Variants in ESYT3 observed in about 807,000 individuals in gnomAD.
The protein encoded by ESYT3 is extended synaptotagmin 3, also known as extended synaptotagmin-3.
In ESYT3, 101 loss-of-function variants were observed where a neutral mutation model predicts 111.5. That is an observed-to-expected ratio of 0.91 (90% CI 0.77 to 1.07). The LOEUF is 1.07. Ranked by LOEUF, ESYT3 falls within the 50% of genes least tolerant of loss-of-function variation. The pLI, the probability that ESYT3 is intolerant of heterozygous loss-of-function variation, is 0.00. For synonymous variants in ESYT3, 416 were observed against 446.8 expected (o/e 0.93, Z 0.87); for missense variants, 1,097 against 1,109.4 (o/e 0.99, Z 0.16).
Position 138,477,395 on chromosome 3 carries a change from G to A in ESYT3, c.*541G>A, listed in dbSNP as rs994714666. 6.6e-6 allele frequency: 1 copy of A among 152,508 alleles called. No individual in the cohort carries two copies. Among genetic ancestry groups the A allele is most frequent in the African/African-American group, 2.4e-5 (1 of 41,436 alleles). The allele number at this position is 152,508 out of a possible 1,614,324, so 9.4% of individuals were successfully genotyped here. ...GCCAAAGCCCTTCTGGCTGCCACCT[G>A]TGGTACTTGTATGCCTGGATATTTG... On this transcript the variant is annotated 3_prime_UTR_variant, in exon 23 of 23. Transcript: ENST00000389567.
At chr3:138,449,082 C>CTTTTTTTT (rs398040196) in intron 1 of ESYT3, among the ~76,000 whole-genome samples, 154 of 113,112 alleles carry the variant, frequency 1.4e-3, no homozygotes, top group African/African-American at 4.3e-3. Flanking sequence ...CTTTCTTTTT[C>CTTTTTTTT]TTTTTTTTTT....
chr3:138,457,031 C>T (rs1180193627), intron 3 of ESYT3, among the ~76,000 whole-genome samples: 1 of 152,182 alleles, frequency 6.6e-6, no homozygotes, highest in Non-Finnish European at 1.5e-5. Context: ...CCCTCCTGAC[C>T]ATCGTGGGGT....
chr3:138,470,591 T>C, intron 16 of ESYT3: 1 of 1,199,416 alleles, frequency 8.3e-7, no homozygotes, highest in Non-Finnish European at 1.0e-6. Flanking sequence ...GAGCCCTGCC[T>C]GGAGAGCAGC....
At chr3:138,466,381 C>CAGA (rs1210747574) in intron 10 of ESYT3, among the ~76,000 whole-genome samples, 1 of 152,166 alleles carries the variant, frequency 6.6e-6, no homozygotes, top group Non-Finnish European at 1.5e-5. Context: ...CAGAAACAAG[C>CAGA]AGAATCTATG....
At position 138,479,374 on chromosome 3, in the gene ESYT3, A is replaced by AAAGT. The variant is rs1219748034; in HGVS notation, c.*2526_*2529dup. On this transcript the variant is annotated 3_prime_UTR_variant, in exon 23 of 23. Coordinates refer to ENST00000389567, the MANE Select transcript of ESYT3 (RefSeq NM_031913.5). ...AGAAGGGGCAGCTAGGCTGATTAAG[A>AAAGT]AAGTAAGTATTCAAGACCATATCTT... 1.3e-5 allele frequency: 2 copies of AAAGT among 152,262 alleles called. No homozygotes were observed. The highest frequency in any genetic ancestry group is 4.8e-5 in the African/African-American group (2 of 41,468). 9.4% of individuals were successfully genotyped at this position (152,262 alleles called of 1,614,324 possible).
In ESYT3 at chr3:138,476,307, C is replaced by A. The variant is rs748508601; in HGVS notation, c.2553C>A (p.His851Gln). The A allele has an allele frequency of 6.2e-7, 1 of 1,613,322 alleles. No individual in the cohort carries two copies. The change falls in exon 21 of 23, where the codon CAC becomes CAA. Residue 851 changes from histidine to glutamine, a missense_variant. Physicochemically the swap from His to Gln is conservative, Grantham distance 24 (BLOSUM62 0). Coordinates refer to ENST00000389567, the MANE Select transcript of ESYT3 (RefSeq NM_031913.5). ...AVKNSRPLGS[H>Q]RRKELGKVLI... ...AAAATAGTAGGCCACTTGGCTCACA[C>A]AGAAGAAAGGAGTTAGGAAAAGTAA...
chr3:138,470,703 G>A (rs2033172333), intron 16 of ESYT3, 174 bp from the exon 17 acceptor site: 3 of 1,433,538 alleles, frequency 2.1e-6, no homozygotes, highest in Non-Finnish European at 2.7e-6. Flanking sequence ...TTCCCTGACA[G>A]AAGACAAGGA....
rs1156760952 is a variant in ESYT3, at chr3:138,477,719, T to G, written c.*865T>G. ...ATGGTTGGTTCACCTAAATAACATG[T>G]TAAAAGCAAAGTATTAAATTATATG... On this transcript the variant is annotated 3_prime_UTR_variant, in exon 23 of 23. Coordinates refer to ENST00000389567, the MANE Select transcript of ESYT3 (RefSeq NM_031913.5). 1.3e-5 allele frequency: 2 copies of G among 152,194 alleles called. No homozygotes were observed. Among genetic ancestry groups the G allele is most frequent in the African/African-American group, 4.8e-5 (2 of 41,452 alleles). 9.4% of individuals were successfully genotyped at this position (152,194 alleles called of 1,614,324 possible).
At chr3:138,470,292 C>A (rs2033153429) in intron 16 of ESYT3, 146 bp downstream of exon 16, 1 of 1,370,332 alleles carries the variant, frequency 7.3e-7, no homozygotes, top group African/African-American at 1.5e-5. Context: ...TGAGGCCCCA[C>A]AAGGCCTCAT....
chr3:138,459,887 A>T (rs1231497559), intron 5 of ESYT3, 58 bp from the exon 6 acceptor site: 1 of 1,514,126 alleles, frequency 6.6e-7, no homozygotes, highest in Non-Finnish European at 9.1e-7. Flanking sequence ...AGCTGAGCCC[A>T]GCAGGCATGG....
chr3:138,478,161 T>TAA lies in ESYT3; in HGVS notation c.*1308_*1309dup, dbSNP rs1443616224. On this transcript the variant is annotated 3_prime_UTR_variant, in exon 23 of 23. Coordinates refer to ENST00000389567, the MANE Select transcript of ESYT3 (RefSeq NM_031913.5). ...TAATAGTTCCCAGCCTTTATAACAC[T>TAA]AAGTTTTAAGAAATGTTGATTAGGC... 3 of 152,340 alleles carry TAA rather than the reference T, an allele frequency of 2.0e-5. No individual in the cohort carries two copies. The highest frequency in any genetic ancestry group is 2.1e-4 in the South Asian group (1 of 4,826). 9.4% of individuals were successfully genotyped at this position (152,340 alleles called of 1,614,324 possible).
At chr3:138,470,228 G>T (rs1228083015) in intron 16 of ESYT3, 82 bp downstream of exon 16, 1 of 1,519,544 alleles carries the variant, frequency 6.6e-7, no homozygotes, top group South Asian at 1.2e-5. Flanking sequence ...TGCACCTTGA[G>T]CAGGTTCTCC....
In ESYT3 at chr3:138,472,832, A is replaced by G. The variant is rs772051164; in HGVS notation, c.2210A>G (p.Asp737Gly). The G allele has an allele frequency of 1.2e-5, 20 of 1,613,956 alleles. No individual in the cohort carries two copies. Among genetic ancestry groups the G allele is most frequent in the Non-Finnish European group, 1.7e-5 (20 of 1,179,996 alleles). Residue 737 changes from aspartate (D) to glycine (G), a missense_variant, in exon 18 of 23, where the codon GAC becomes GGC. Coordinates refer to ENST00000389567, the MANE Select transcript of ESYT3 (RefSeq NM_031913.5). ...AACTCCTTGGCCTCTTCTTGCTTTG[A>G]CCTGGCAGATATCAGCCTCAACATT... is the stretch of plus-strand genomic sequence containing the variant. ...SLNSLASSCF[D>G]LADISLNIEG...
At chr3:138,473,497 T>C (rs746986092) in intron 18 of ESYT3, 39 bp from the exon 19 acceptor site, 18 of 1,580,430 alleles carry the variant, frequency 1.1e-5, no homozygotes. Flanking sequence ...GGGCCAATGC[T>C]TGTTATGGCG....
chr3:138,451,986 T>A, intron 1 of ESYT3, 62 bp from the exon 2 acceptor site: 2 of 1,587,384 alleles, frequency 1.3e-6, no homozygotes, highest in Admixed American at 3.3e-5. Context: ...CAGGCTGGCT[T>A]GCTTGGTTCC....
intron 4 of ESYT3, 101 bp downstream of exon 4, chr3:138,457,745 T>A (rs2032380927): frequency 8.7e-7 from 1 of 1,154,814 alleles, no homozygotes; most frequent in Non-Finnish European, 1.3e-6. Context: ...TGACTTGGGA[T>A]GTGGAACCCC....
At position 138,468,820 on chromosome 3, in the gene ESYT3, GA is replaced by G; in HGVS notation, c.1376del (p.Asn459ThrfsTer6). On this transcript the variant is annotated frameshift_variant and splice_region_variant, in exon 14 of 23. Transcript: ENST00000389567. LOFTEE classifies it high-confidence loss of function. ...VFLESACNLPRNPFDYLNGEY... is the reference protein window; with the variant it reads ...VFLESACNLPXNPFDYLNGEY... ...AACCCCGTTATTCCTGTGCTGCAGAGAAACCCTTTTGACTACCTGAATGGTG... is the reference window on the plus strand; with the variant it reads ...AACCCCGTTATTCCTGTGCTGCAGAGAACCCTTTTGACTACCTGAATGGTG... 6.2e-7 allele frequency: 1 copy of G among 1,614,188 alleles called. No homozygotes were observed. Among genetic ancestry groups the G allele is most frequent in the Non-Finnish European group, 8.5e-7 (1 of 1,180,038 alleles).
chr3:138,434,980 G>A lies in ESYT3; in HGVS notation c.182G>A (p.Trp61Ter). The A allele has an allele frequency of 6.4e-7, 1 of 1,558,336 alleles. No individual in the cohort carries two copies. Among genetic ancestry groups the A allele is most frequent in the Non-Finnish European group, 8.7e-7 (1 of 1,150,292 alleles). The change falls in exon 1 of 23, where the codon TGG becomes TAG. Residue 61 changes from tryptophan to a stop codon, truncating the protein, a stop_gained. Coordinates refer to ENST00000389567, the MANE Select transcript of ESYT3 (RefSeq NM_031913.5). LOFTEE classifies it high-confidence loss of function. ...LAGYLGLSITWLLLGALLWMW... is the reference protein window; with the variant it reads ...LAGYLGLSIT ...GGCTACCTGGGGCTCAGCATAACCT[G>A]GTTGCTGCTCGGCGCCCTGCTGTGG... is the stretch of plus-strand genomic sequence containing the variant.
At chr3:138,464,970 T>C (rs1394751175) in intron 9 of ESYT3, among the ~76,000 whole-genome samples, 3 of 152,182 alleles carry the variant, frequency 2.0e-5, no homozygotes, top group Non-Finnish European at 4.4e-5. Context: ...ATCTGGATGC[T>C]CTGTTACGTT....
Sources: gnomAD v4.1 joint callset for allele counts (sites outside exome capture counted in the v4.1 genomes callset) on GRCh38, gnomAD v4.1.1 for gene constraint, MANE v1.5 for transcripts, NCBI Gene and HGNC (gene_info 2026-07-23, HGNC 2026-07-21) for gene names.